The following PTPRZ1 variants were observed in gnomAD, a reference collection of about 807,000 sequenced individuals.
The protein encoded by PTPRZ1 is receptor-type tyrosine-protein phosphatase zeta.
Under a neutral mutation model 214.1 loss-of-function variants are expected in PTPRZ1, and 82 were observed. The ratio of observed to expected loss-of-function variants is 0.38; its 90% confidence interval spans 0.32 to 0.46. The LOEUF is 0.46. Ranked by LOEUF, PTPRZ1 falls within the 20% of genes least tolerant of loss-of-function variation. PTPRZ1 has a pLI of 1.00. For synonymous variants in PTPRZ1, 945 were observed against 987.9 expected (o/e 0.96, Z 0.81); for missense variants, 2,603 against 2,748.7 (o/e 0.95, Z 1.19).
intron 2 of PTPRZ1, among the ~76,000 whole-genome samples, chr7:121,948,279 A>G (rs1231608961): frequency 1.3e-5 from 2 of 152,182 alleles, no homozygotes; most frequent in Admixed American, 6.5e-5. Flanking sequence ...GACCAAAAAA[A>G]GCAAATAAAT....
intron 1 of PTPRZ1, among the ~76,000 whole-genome samples, chr7:121,893,708 TAA>T (rs1163828237): frequency 6.6e-6 from 1 of 152,222 alleles, no homozygotes; most frequent in Non-Finnish European, 1.5e-5. Context: ...AGTATTTCAT[TAA>T]AATATGTTTT....
intron 1 of PTPRZ1, among the ~76,000 whole-genome samples, chr7:121,906,619 A>G (rs1316041876): frequency 2.6e-5 from 4 of 152,132 alleles, no homozygotes; most frequent in African/African-American, 7.2e-5. Context: ...CACGTTTTCC[A>G]AAAATAAGAT....
At chr7:121,926,861 C>A (rs925473007) in intron 1 of PTPRZ1, among the ~76,000 whole-genome samples, 80 of 151,946 alleles carry the variant, frequency 5.3e-4, no homozygotes, top group African/African-American at 1.8e-3. Context: ...TCTTATATAG[C>A]CAATAGAATA....
At chr7:121,881,125 A>G (rs559787423) in intron 1 of PTPRZ1, among the ~76,000 whole-genome samples, 2 of 152,176 alleles carry the variant, frequency 1.3e-5, no homozygotes, top group Non-Finnish European at 2.9e-5. Context: ...TGAAGCTGTC[A>G]TTGATGGGTT....
At chr7:121,910,332 A>G (rs575359144) in intron 1 of PTPRZ1, among the ~76,000 whole-genome samples, 1 of 152,122 alleles carries the variant, frequency 6.6e-6, no homozygotes, top group African/African-American at 2.4e-5. Flanking sequence ...GCTTTTCTCC[A>G]TAGTGTTTAT....
chr7:121,875,490 G>A (rs796315392), intron 1 of PTPRZ1, among the ~76,000 whole-genome samples: 16 of 152,276 alleles, frequency 1.1e-4, no homozygotes, highest in African/African-American at 3.6e-4. Flanking sequence ...ATTTTTGGTT[G>A]TATAGTTTTC....
chr7:121,978,285 C>T (rs904854840), intron 6 of PTPRZ1, among the ~76,000 whole-genome samples: 9 of 152,106 alleles, frequency 5.9e-5, no homozygotes, highest in Non-Finnish European at 8.8e-5. Flanking sequence ...TAGCTGAGGA[C>T]GGATTCTAGT....
At position 122,012,071 on chromosome 7, in the gene PTPRZ1, G is replaced by A; in HGVS notation, c.3025G>A (p.Asp1009Asn). The change falls in exon 12 of 30, where the codon GAC becomes AAC. Residue 1009 changes from aspartate (D) to asparagine (N), a missense_variant. Physicochemically the swap from Asp to Asn is conservative, Grantham distance 23. This residue lies in a region of PTPRZ1 where 1,913 missense variants were observed against 1,914.3 expected (regional missense o/e 1.00). Coordinates refer to ENST00000393386, the MANE Select transcript of PTPRZ1 (RefSeq NM_002851.3). The part of the protein sequence containing the change: ...ASSDSEFLLP[D>N]TDGLTALNIS... Reference sequence around the variant, plus strand: ...TTCTGATAGTGAATTTCTTTTACCTGACACAGATGGGCTGACAGCCCTTAA... The same window carrying A: ...TTCTGATAGTGAATTTCTTTTACCTAACACAGATGGGCTGACAGCCCTTAA... 1.2e-6 allele frequency: 2 copies of A among 1,614,198 alleles called. No homozygotes were observed. The highest frequency in any genetic ancestry group is 1.7e-6 in the Non-Finnish European group (2 of 1,180,022).
chr7:122,007,084 G>T (rs918583956), intron 11 of PTPRZ1, among the ~76,000 whole-genome samples: 1 of 152,032 alleles, frequency 6.6e-6, no homozygotes, highest in African/African-American at 2.4e-5. Flanking sequence ...GTGGAGAGAG[G>T]CTGTGGAAAG....
chr7:122,021,979 A>G (rs893192069), intron 13 of PTPRZ1, among the ~76,000 whole-genome samples: 4 of 152,186 alleles, frequency 2.6e-5, no homozygotes, highest in South Asian at 2.1e-4. Flanking sequence ...GTTTATGTGA[A>G]TTATTCAAAT....
intron 2 of PTPRZ1, among the ~76,000 whole-genome samples, chr7:121,943,497 G>A (rs1291030429): frequency 1.3e-5 from 2 of 151,760 alleles, no homozygotes; most frequent in Admixed American, 1.3e-4. Context: ...CACCATGCCC[G>A]GCTAATTTTT....
intron 1 of PTPRZ1, among the ~76,000 whole-genome samples, chr7:121,884,183 A>G (rs572874596): frequency 3.3e-4 from 51 of 152,244 alleles, no homozygotes; most frequent in African/African-American, 1.1e-3. Flanking sequence ...CAATAGAAGT[A>G]TTTGGTTACT....
intron 1 of PTPRZ1, among the ~76,000 whole-genome samples, chr7:121,925,429 T>A (rs186133500): frequency 1.3e-5 from 2 of 152,344 alleles, no homozygotes; most frequent in Non-Finnish European, 2.9e-5. Context: ...ATAACAGCAT[T>A]GTTCATAATA....
At chr7:121,884,263 ATATAAG>A (rs1794331166) in intron 1 of PTPRZ1, among the ~76,000 whole-genome samples, 1 of 152,130 alleles carries the variant, frequency 6.6e-6, no homozygotes, top group Non-Finnish European at 1.5e-5. Flanking sequence ...AAATACATTT[ATATAAG>A]TATGTTATAT....
intron 12 of PTPRZ1, among the ~76,000 whole-genome samples, chr7:122,016,374 GC>G (rs1424686723): frequency 2.6e-5 from 4 of 151,600 alleles, no homozygotes; most frequent in Non-Finnish European, 5.9e-5. Context: ...ATACTACTGA[GC>G]CATCTCAAGG....
At chr7:121,992,290 T>G (rs1205713123) in intron 8 of PTPRZ1, among the ~76,000 whole-genome samples, 2 of 152,174 alleles carry the variant, frequency 1.3e-5, no homozygotes, top group South Asian at 4.1e-4. Context: ...ATCTCCTATC[T>G]CCCCTTGGTC....
chr7:122,060,022 A>T, intron 29 of PTPRZ1, 134 bp downstream of exon 29: 3 of 858,364 alleles, frequency 3.5e-6, no homozygotes, highest in Non-Finnish European at 5.1e-6. Flanking sequence ...AAGCTGAATT[A>T]CAAGTCCACA....
In PTPRZ1 at chr7:122,005,201, A is replaced by G. The variant is rs181042265; in HGVS notation, c.1287+541A>G. Reference sequence around the variant, plus strand: ...CAGGCACTTATACTACGAGTAGTCTATACTTTTTAAAGATAAAATGTATAG... The same window carrying G: ...CAGGCACTTATACTACGAGTAGTCTGTACTTTTTAAAGATAAAATGTATAG... On this transcript the variant is annotated intron_variant, in intron 11 of 29. Coordinates refer to ENST00000393386, the MANE Select transcript of PTPRZ1 (RefSeq NM_002851.3). 3.5e-3 allele frequency among the ~76,000 whole-genome samples: 533 copies of G among 152,146 alleles called. 4 individuals are homozygous for G. Among genetic ancestry groups the G allele is most frequent in the African/African-American group, 0.012 (488 of 41,574 alleles).
intron 1 of PTPRZ1, among the ~76,000 whole-genome samples, chr7:121,907,143 A>G (rs1795140290): frequency 6.7e-6 from 1 of 149,608 alleles, no homozygotes; most frequent in Non-Finnish European, 1.5e-5. Flanking sequence ...TGATAAAAAG[A>G]ATAAGTTAAA....
Sources: allele counts gnomAD v4.1 joint callset (sites outside exome capture counted in the v4.1 genomes callset), GRCh38; gene constraint gnomAD v4.1.1; regional missense constraint gnomAD v4.1.1; transcripts MANE v1.5; gene names NCBI Gene and HGNC (gene_info 2026-07-23, HGNC 2026-07-21).